The following CENATAC variants were observed in gnomAD, a reference collection of about 807,000 sequenced individuals.
The protein encoded by CENATAC is centrosomal AT-AC splicing factor.
Under a neutral mutation model 53.7 loss-of-function variants are expected in CENATAC, and 53 were observed. The observed-to-expected ratio is 0.99, with a 90% CI of 0.79 to 1.24. The LOEUF (loss-of-function observed/expected upper bound fraction) is 1.24, where lower values mean the gene tolerates loss of function less well. Among genes scored for constraint, CENATAC ranks in the 50% most tolerant of loss-of-function variants. The probability of loss-of-function intolerance (pLI) is 0.00; values close to 1 mark genes in which losing one functional copy is unlikely to be tolerated. For synonymous variants in CENATAC, 156 were observed against 144.6 expected (o/e 1.08, Z -0.57); for missense variants, 474 against 417.8 (o/e 1.13, Z -1.17).
At chr11:119,008,008 C>T (rs1448598833) in intron 3 of CENATAC, among the ~76,000 whole-genome samples, 1 of 152,132 alleles carries the variant, frequency 6.6e-6, no homozygotes, top group Non-Finnish European at 1.5e-5. Flanking sequence ...ACTGGATGAC[C>T]CCAGTGTGAG....
rs530398354 is a variant in CENATAC at position 119,002,681 on chromosome 11, G to T, written c.383+3572G>T. On this transcript the variant is annotated intron_variant, in intron 3 of 10. Coordinates refer to ENST00000334418, the MANE Select transcript of CENATAC (RefSeq NM_198489.3). ...GTATACTTTTAAAAATAAGCTGTTG[G>T]TTTTTTTTTTTTTTTCTGATGGTAC... 1.7e-3 allele frequency among the ~76,000 whole-genome samples: 244 copies of T among 142,398 alleles called. 1 individual carries two copies. Among genetic ancestry groups the T allele is most frequent in the African/African-American group, 5.9e-3 (230 of 39,008 alleles). 93.4% of individuals were successfully genotyped at this position (142,398 alleles called of 152,430 possible). A position where few individuals can be genotyped will look rare whatever the true frequency, so the allele number is the denominator to read the frequency against.
intron 3 of CENATAC, chr11:119,001,792 C>A: frequency 2.3e-6 from 1 of 426,338 alleles, no homozygotes; most frequent in Non-Finnish European, 4.7e-6. Context: ...TGTGGTGGTG[C>A]ACACCTGTAG....
At chr11:119,012,430 A>T in intron 7 of CENATAC, 176 bp downstream of exon 7, 2 of 632,246 alleles carry the variant, frequency 3.2e-6, no homozygotes, top group Non-Finnish European at 5.3e-6. Flanking sequence ...AAGCGATCCT[A>T]TTCACATGTA....
intron 3 of CENATAC, chr11:119,003,228 A>G (rs957548300): frequency 5.6e-6 from 3 of 535,628 alleles, no homozygotes; most frequent in Admixed American, 3.9e-5. Context: ...AGGAAACTTG[A>G]TGATGCATAG....
At chr11:119,004,572 G>GT (rs1454491577) in intron 3 of CENATAC, 1 of 152,098 alleles carries the variant, frequency 6.6e-6, no homozygotes, top group Non-Finnish European at 1.5e-5. Context: ...AATAAAAAGG[G>GT]TATCTGGATT....
rs1455927254 is a variant in CENATAC, at chr11:118,998,457, G to T, written c.148G>T (p.Ala50Ser). Residue 50 changes from alanine to serine, a missense_variant, in exon 2 of 11, where the codon GCC (alanine) becomes TCC (serine). By Grantham distance (99) the Ala-to-Ser change is moderately conservative (BLOSUM62 1). Coordinates refer to ENST00000334418, the MANE Select transcript of CENATAC (RefSeq NM_198489.3). Reference protein sequence around the residue: ...QVEAARKAIRAAQVERYVPEH... With the variant: ...QVEAARKAIRSAQVERYVPEH... ...GGAGGCGGCCCGCAAGGCCATCCGC[G>T]CCGCTCAGGTGGAGCGCTATGTGCC... 6.2e-7 allele frequency: 1 copy of T among 1,612,660 alleles called. No individual in the cohort carries two copies. The highest frequency in any genetic ancestry group is 2.2e-5 in the East Asian group (1 of 44,862).
rs782301412 is a variant in CENATAC, at chr11:119,013,268, G to A, written c.715+6G>A. The A allele has an allele frequency of 5.6e-6, 9 of 1,598,904 alleles. No homozygotes were observed. The highest frequency in any genetic ancestry group is 6.8e-6 in the Non-Finnish European group (8 of 1,174,352). On this transcript the variant is annotated splice_donor_region_variant and intron_variant, in intron 8 of 10. Coordinates refer to ENST00000334418, the MANE Select transcript of CENATAC (RefSeq NM_198489.3). ...AGTTGGTAACATCCACTCAGGTAAG[G>A]TCCAGGGCAGTGTTTTTAAAACCCT... is the stretch of plus-strand genomic sequence containing the variant.
chr11:119,001,006 T>C (rs192709137), intron 3 of CENATAC, among the ~76,000 whole-genome samples: 1 of 152,308 alleles, frequency 6.6e-6, no homozygotes, highest in East Asian at 1.9e-4. Context: ...ATTCAGCTTT[T>C]TCTTGTAATG....
rs1166206235 is a variant in CENATAC, at chr11:119,010,594, T to G, written c.384-170T>G. 3 of 603,178 alleles carry G rather than the reference T, an allele frequency of 5.0e-6. No individual in the cohort carries two copies. In the East Asian group the frequency reaches 8.2e-5, roughly 17 times the overall value. The allele number at this position is 603,178 out of a possible 1,614,324, so 37.4% of individuals were successfully genotyped here. A position where few individuals can be genotyped will look rare whatever the true frequency, so the allele number is the denominator to read the frequency against. On this transcript the variant is annotated intron_variant, in intron 3 of 10. Coordinates refer to ENST00000334418, the MANE Select transcript of CENATAC (RefSeq NM_198489.3). Reference sequence around the variant, plus strand: ...GTCTGTACAAAAGAAGTGGAGCCAGTATGGCAAAATGTTTACAAGGACTCT... The same window carrying G: ...GTCTGTACAAAAGAAGTGGAGCCAGGATGGCAAAATGTTTACAAGGACTCT...
Position 118,999,093 on chromosome 11 carries a change from C to A in CENATAC, c.367C>A (p.Pro123Thr). Residue 123 changes from proline (P) to threonine (T), a missense_variant, in exon 3 of 11, where the codon CCC becomes ACC. Pro to Thr is a conservative substitution (Grantham distance 38). Transcript: ENST00000334418. ...GATGAAAGAGAAGTTTCTGGTCACT[C>A]CCCAGGATTATGCGCGGTGAGTCAC... ...VQMKEKFLVT[P>T]QDYARFKKSM... 6.2e-7 allele frequency: 1 copy of A among 1,613,422 alleles called. No homozygotes were observed. The highest frequency in any genetic ancestry group is 8.5e-7 in the Non-Finnish European group (1 of 1,179,382).
intron 6 of CENATAC, 27 bp from the exon 7 acceptor site, chr11:119,012,122 T>C: frequency 6.2e-7 from 1 of 1,614,160 alleles, no homozygotes; most frequent in African/African-American, 1.3e-5. Context: ...AAGGACCTCA[T>C]CTGGCAGCCT....
chr11:119,012,060 C>A (rs1179019221), intron 6 of CENATAC, 57 bp downstream of exon 6: 3 of 1,613,798 alleles, frequency 1.9e-6, no homozygotes, highest in East Asian at 4.5e-5. Context: ...CATTCTGCAA[C>A]CTTTTGCCTG....
At chr11:119,015,169 T>A in intron 9 of CENATAC, 86 bp downstream of exon 9, 1 of 1,456,676 alleles carries the variant, frequency 6.9e-7, no homozygotes, top group Non-Finnish European at 9.5e-7. Flanking sequence ...CTCATGGCTA[T>A]AATCCTAGCA....
At chr11:119,008,069 G>T (rs2134551333) in intron 3 of CENATAC, among the ~76,000 whole-genome samples, 1 of 150,858 alleles carries the variant, frequency 6.6e-6, no homozygotes, top group Admixed American at 6.6e-5. Flanking sequence ...TAGTAGCTAA[G>T]TGGCTTTTTT....
chr11:119,014,192 C>G (rs1229120030), intron 8 of CENATAC: 1 of 152,246 alleles, frequency 6.6e-6, no homozygotes, highest in Non-Finnish European at 1.5e-5. Context: ...AAATTGGAAA[C>G]AATTCAGATG....
chr11:118,998,692 C>T lies in CENATAC; in HGVS notation c.284+99C>T, dbSNP rs1338040627. On this transcript the variant is annotated intron_variant, in intron 2 of 10. Transcript: ENST00000334418. ...AAAAAGGACGCTTTTGTGATTTGATCAAGAAGGATGGATTGAGTCACTTCA... is the reference window on the plus strand; with the variant it reads ...AAAAAGGACGCTTTTGTGATTTGATTAAGAAGGATGGATTGAGTCACTTCA... 2.1e-6 allele frequency: 3 copies of T among 1,397,680 alleles called. No homozygotes were observed. The East Asian group carries it at 7.5e-5, about 35-fold the overall frequency. 86.6% of individuals were successfully genotyped at this position (1,397,680 alleles called of 1,614,324 possible). A position where few individuals can be genotyped will look rare whatever the true frequency, so the allele number is the denominator to read the frequency against.
In CENATAC at chr11:119,015,688, T is replaced by A; in HGVS notation, c.*90T>A. On this transcript the variant is annotated 3_prime_UTR_variant, in exon 11 of 11. Coordinates refer to ENST00000334418, the MANE Select transcript of CENATAC (RefSeq NM_198489.3). The stretch of plus-strand genomic sequence containing the variant: ...ACCAAATTCTTTATCATTGTCTTTC[T>A]TAGGAAACAGACATACTCATTCATT... 7.1e-7 allele frequency: 1 copy of A among 1,415,454 alleles called. No homozygotes were observed. The highest frequency in any genetic ancestry group is 9.9e-7 in the Non-Finnish European group (1 of 1,007,800). 87.7% of individuals were successfully genotyped at this position (1,415,454 alleles called of 1,614,324 possible).
At chr11:119,001,437 G>C (rs1942289918) in intron 3 of CENATAC, among the ~76,000 whole-genome samples, 1 of 151,922 alleles carries the variant, frequency 6.6e-6, no homozygotes. Context: ...TGTCACCCAG[G>C]GTGGAGTACA....
chr11:119,011,106 C>A, intron 4 of CENATAC, 115 bp from the exon 5 acceptor site: 2 of 840,386 alleles, frequency 2.4e-6, no homozygotes, highest in Non-Finnish European at 3.8e-6. Flanking sequence ...TCCTGACAGG[C>A]CACAGACCAG....
Sources: gnomAD v4.1 joint callset for allele counts (sites outside exome capture counted in the v4.1 genomes callset) on GRCh38, gnomAD v4.1.1 for gene constraint, MANE v1.5 for transcripts, NCBI Gene and HGNC (gene_info 2026-07-23, HGNC 2026-07-21) for gene names.